Variants in PPP1R1C observed in about 807,000 individuals in gnomAD.
PPP1R1C encodes the protein protein phosphatase 1 regulatory subunit 1C.
A neutral mutation model predicts 17.4 loss-of-function variants in PPP1R1C; 15 were observed. The observed-to-expected ratio is 0.86, with a 90% CI of 0.58 to 1.33. PPP1R1C has a LOEUF of 1.33. Among genes scored for constraint, PPP1R1C ranks in the 40% most tolerant of loss-of-function variants. The pLI is 0.00. For synonymous variants in PPP1R1C, 35 were observed against 43.1 expected, an observed-to-expected ratio of 0.81 and a Z score of 0.73; for missense variants, 143 against 130.0, an observed-to-expected ratio of 1.10 and a Z score of -0.48.
intron 2 of PPP1R1C, among the ~76,000 whole-genome samples, chr2:182,050,120 TC>T (rs1202577063): frequency 6.6e-6 from 1 of 152,228 alleles, no homozygotes; most frequent in Non-Finnish European, 1.5e-5. Context: ...TTAAACAATA[TC>T]ATTGGCCTGC....
intron 1 of PPP1R1C, among the ~76,000 whole-genome samples, chr2:181,955,906 TAC>T (rs1386717018): frequency 6.6e-6 from 1 of 152,190 alleles, no homozygotes; most frequent in Non-Finnish European, 1.5e-5. Context: ...CATTTTGTGT[TAC>T]AGTTTCTTTT....
intron 5 of PPP1R1C, among the ~76,000 whole-genome samples, chr2:182,124,887 C>T (rs1689836847): frequency 6.6e-6 from 1 of 152,054 alleles, no homozygotes; most frequent in South Asian, 2.1e-4. Flanking sequence ...TACCCTTTAT[C>T]TTTCTCTTGC....
chr2:182,044,829 A>T (rs1186569902), intron 2 of PPP1R1C, among the ~76,000 whole-genome samples: 1 of 152,332 alleles, frequency 6.6e-6, no homozygotes, highest in East Asian at 1.9e-4. Flanking sequence ...TACATATAAG[A>T]CACAGATTAT....
At chr2:182,109,072 T>C (rs1689339420) in intron 4 of PPP1R1C, among the ~76,000 whole-genome samples, 1 of 152,218 alleles carries the variant, frequency 6.6e-6, no homozygotes, top group African/African-American at 2.4e-5. Context: ...TAGTATCTCA[T>C]TGTTTTAATT....
chr2:182,015,278 G>A (rs116075846), intron 2 of PPP1R1C, among the ~76,000 whole-genome samples: 8,395 of 152,252 alleles, frequency 0.055, 348 homozygotes, highest in Non-Finnish European at 0.087. Flanking sequence ...CTCATGAGAT[G>A]TGATGGTTTT....
At chr2:182,073,667 T>C (rs1688204024) in intron 4 of PPP1R1C, among the ~76,000 whole-genome samples, 1 of 152,192 alleles carries the variant, frequency 6.6e-6, no homozygotes, top group African/African-American at 2.4e-5. Context: ...CTGTCACAGC[T>C]AGGGAAGACT....
intron 4 of PPP1R1C, among the ~76,000 whole-genome samples, chr2:182,070,692 T>A (rs1039568626): frequency 6.6e-6 from 1 of 152,194 alleles, no homozygotes; most frequent in Non-Finnish European, 1.5e-5. Context: ...AAACAGTTCT[T>A]GCATTGCTAT....
downstream of PPP1R1C, among the ~76,000 whole-genome samples, chr2:182,122,473 A>T (rs1439022977): frequency 6.6e-6 from 1 of 152,188 alleles, no homozygotes; most frequent in Non-Finnish European, 1.5e-5. Flanking sequence ...AGGTTTATTT[A>T]AAGAAAAATT....
At chr2:182,116,845 G>A (rs1689598772) in intron 4 of PPP1R1C, among the ~76,000 whole-genome samples, 1 of 152,126 alleles carries the variant, frequency 6.6e-6, no homozygotes, top group Non-Finnish European at 1.5e-5. Flanking sequence ...AATAGTTCTT[G>A]TTGTAATAGA....
intron 2 of PPP1R1C, among the ~76,000 whole-genome samples, chr2:182,057,563 A>G (rs1422523131): frequency 5.3e-5 from 8 of 152,178 alleles, no homozygotes; most frequent in South Asian, 2.1e-4. Flanking sequence ...ACATTCAGTC[A>G]GTAAGTAAAT....
At chr2:181,997,102 G>A (rs1685634328) in intron 2 of PPP1R1C, among the ~76,000 whole-genome samples, 1 of 152,006 alleles carries the variant, frequency 6.6e-6, no homozygotes, top group Non-Finnish European at 1.5e-5. Context: ...GGTGGCGGGC[G>A]CCTGTTGTCC....
intron 2 of PPP1R1C, among the ~76,000 whole-genome samples, chr2:182,048,437 C>T (rs1468259826): frequency 2.0e-5 from 3 of 152,126 alleles, no homozygotes; most frequent in African/African-American, 7.2e-5. Context: ...TTTTCATAGC[C>T]CTATTACATT....
At chr2:181,966,432 C>T (rs975288413) in intron 1 of PPP1R1C, among the ~76,000 whole-genome samples, 3 of 152,108 alleles carry the variant, frequency 2.0e-5, no homozygotes, top group African/African-American at 7.2e-5. Flanking sequence ...ATGATACTAG[C>T]TGTGGGTATG....
intron 4 of PPP1R1C, among the ~76,000 whole-genome samples, chr2:182,073,248 G>A (rs949037495): frequency 2.0e-5 from 3 of 152,146 alleles, no homozygotes; most frequent in South Asian, 2.1e-4. Context: ...GCTAGACTGC[G>A]GAGCCCTTGA....
chr2:182,106,170 G>A (rs1369345841), intron 4 of PPP1R1C, among the ~76,000 whole-genome samples: 1 of 152,190 alleles, frequency 6.6e-6, no homozygotes, highest in Non-Finnish European at 1.5e-5. Flanking sequence ...GAAGTACTGG[G>A]TAGAGAAGGG....
intron 3 of PPP1R1C, among the ~76,000 whole-genome samples, chr2:182,061,714 T>C (rs1329850820): frequency 6.6e-6 from 1 of 152,142 alleles, no homozygotes; most frequent in Non-Finnish European, 1.5e-5. Flanking sequence ...AACATCACTT[T>C]TAATGGCAAA....
chr2:182,066,317 T>C (rs1166621603), intron 4 of PPP1R1C, among the ~76,000 whole-genome samples: 1 of 152,146 alleles, frequency 6.6e-6, no homozygotes, highest in Non-Finnish European at 1.5e-5. Flanking sequence ...TACATCGGCA[T>C]GTTATATTTT....
chr2:181,966,908 A>G (rs1375407093), intron 1 of PPP1R1C, among the ~76,000 whole-genome samples: 1 of 152,124 alleles, frequency 6.6e-6, no homozygotes, highest in Non-Finnish European at 1.5e-5. Flanking sequence ...ATTGTTTGGT[A>G]ATATTTAGCA....
intron 1 of PPP1R1C, among the ~76,000 whole-genome samples, chr2:181,971,022 G>T (rs756819797): frequency 3.2e-4 from 49 of 151,874 alleles, no homozygotes; most frequent in Non-Finnish European, 6.8e-4. Flanking sequence ...AGGAGCCAAG[G>T]CCTGGAATCA....
Sources: gnomAD v4.1 joint callset for allele counts (sites outside exome capture counted in the v4.1 genomes callset) on GRCh38, gnomAD v4.1.1 for gene constraint, MANE v1.5 for transcripts, NCBI Gene and HGNC (gene_info 2026-07-23, HGNC 2026-07-21) for gene names.